The following DNER variants were observed in gnomAD, a reference collection of about 807,000 sequenced individuals.
DNER encodes the protein delta/notch like EGF repeat containing.
A neutral mutation model predicts 78.2 loss-of-function variants in DNER; 33 were observed. The observed-to-expected ratio is 0.42, with a 90% confidence interval of 0.32 to 0.56. DNER has a LOEUF of 0.56. Among genes scored for constraint, DNER ranks in the 20% least tolerant of loss-of-function variants. The pLI, the probability that DNER is intolerant of heterozygous loss-of-function variation, is 0.11. For missense variants in DNER, 918 were observed against 975.3 expected (o/e 0.94, Z 0.78); for synonymous variants, 417 against 384.8 (o/e 1.08, Z -0.98).
chr2:229,363,985 CTTTTTTTT>C (rs10600729), intron 12 of DNER, among the ~76,000 whole-genome samples: 2 of 77,808 alleles, frequency 2.6e-5, no homozygotes, highest in African/African-American at 1.0e-4. Flanking sequence ...CAATTCTCTG[CTTTTTTTT>C]TTTTTTTTTT....
intron 7 of DNER, among the ~76,000 whole-genome samples, chr2:229,475,846 C>G (rs1695024228): frequency 6.6e-6 from 1 of 152,144 alleles, no homozygotes; most frequent in Non-Finnish European, 1.5e-5. Flanking sequence ...CAGGACGACC[C>G]TGCAGGCTGC....
chr2:229,581,032 G>A (rs1470552234), intron 4 of DNER, among the ~76,000 whole-genome samples: 3 of 152,200 alleles, frequency 2.0e-5, no homozygotes, highest in Admixed American at 6.5e-5. Context: ...GTGAGCTGCA[G>A]GGTAGAAGTC....
chr2:229,661,751 G>A (rs1398212043), intron 1 of DNER, among the ~76,000 whole-genome samples: 3 of 152,124 alleles, frequency 2.0e-5, no homozygotes, highest in Non-Finnish European at 4.4e-5. Flanking sequence ...TCGCGGGAGT[G>A]GAAACTTTTT....
chr2:229,389,685 T>TAA (rs1250594830), intron 10 of DNER, among the ~76,000 whole-genome samples: 1 of 152,222 alleles, frequency 6.6e-6, no homozygotes, highest in African/African-American at 2.4e-5. Flanking sequence ...CTTACGTTTA[T>TAA]AAAACCACTT....
At chr2:229,367,710 T>C (rs762520922) in intron 11 of DNER, among the ~76,000 whole-genome samples, 28 of 152,154 alleles carry the variant, frequency 1.8e-4, no homozygotes, top group Non-Finnish European at 4.0e-4. Context: ...TACAAAAAAG[T>C]ACAATTCCTC....
intron 4 of DNER, among the ~76,000 whole-genome samples, chr2:229,570,403 C>T (rs999051049): frequency 2.6e-5 from 4 of 152,140 alleles, no homozygotes; most frequent in African/African-American, 9.7e-5. Context: ...GAGGTCAAGG[C>T]TGGCAAATCA....
At chr2:229,436,163 G>T (rs1301294892) in intron 8 of DNER, among the ~76,000 whole-genome samples, 1 of 152,002 alleles carries the variant, frequency 6.6e-6, no homozygotes, top group Non-Finnish European at 1.5e-5. Flanking sequence ...ATATGTACTC[G>T]AAGTTTAGCT....
intron 5 of DNER, among the ~76,000 whole-genome samples, chr2:229,544,634 G>GC (rs74181352): frequency 2.6e-5 from 4 of 151,900 alleles, no homozygotes; most frequent in Non-Finnish European, 5.9e-5. Flanking sequence ...CTGGATTCAA[G>GC]CATTTCTCCT....
At chr2:229,433,166 C>T (rs909481801) in intron 8 of DNER, among the ~76,000 whole-genome samples, 1 of 152,152 alleles carries the variant, frequency 6.6e-6, no homozygotes, top group Non-Finnish European at 1.5e-5. Flanking sequence ...TCTCGAACTC[C>T]TGACTATGTG....
At chr2:229,430,174 G>T (rs1486896770) in intron 8 of DNER, among the ~76,000 whole-genome samples, 1 of 152,116 alleles carries the variant, frequency 6.6e-6, no homozygotes, top group African/African-American at 2.4e-5. Context: ...ATTGACAATT[G>T]TTTTGTTAAG....
chr2:229,536,067 T>A (rs1490720566), intron 5 of DNER, among the ~76,000 whole-genome samples: 1 of 152,222 alleles, frequency 6.6e-6, no homozygotes, highest in African/African-American at 2.4e-5. Flanking sequence ...TAATTTAAAG[T>A]CATATTTGGA....
intron 1 of DNER, among the ~76,000 whole-genome samples, chr2:229,706,395 A>AT (rs1699826942): frequency 9.1e-6 from 1 of 109,730 alleles, no homozygotes; most frequent in African/African-American, 3.3e-5. Flanking sequence ...TAGTAAAAAT[A>AT]CAAAAAAAAA....
rs564442408 is a variant in DNER, at chr2:229,647,226, G to A, written c.277-55338C>T. Among the ~76,000 whole-genome samples the A allele has an allele frequency of 4.6e-5, 7 of 152,302 alleles. No individual in the cohort carries two copies. The East Asian group carries it at 1.4e-3, about 29-fold the overall frequency. ...GTAAGAAGAGGTCAGAGGGTTCCGG[G>A]ATGGCCTAAGGAGGTGACGTGGGAG... On this transcript the variant is annotated intron_variant, in intron 1 of 12. Coordinates refer to ENST00000341772, the MANE Select transcript of DNER (RefSeq NM_139072.4).
intron 7 of DNER, among the ~76,000 whole-genome samples, chr2:229,465,961 C>T (rs1694796355): frequency 6.6e-6 from 1 of 152,088 alleles, no homozygotes. Flanking sequence ...CCTCTTATAG[C>T]CAAATCTGTC....
chr2:229,435,903 T>C (rs1348057443), intron 8 of DNER, among the ~76,000 whole-genome samples: 1 of 152,222 alleles, frequency 6.6e-6, no homozygotes, highest in Non-Finnish European at 1.5e-5. Flanking sequence ...TATAAACTGT[T>C]TGGTAAAAGA....
At chr2:229,507,597 C>T (rs1450272619) in intron 6 of DNER, among the ~76,000 whole-genome samples, 4 of 152,102 alleles carry the variant, frequency 2.6e-5, no homozygotes, top group Admixed American at 6.5e-5. Flanking sequence ...TTAGTTATTC[C>T]AAATTCTGTC....
intron 5 of DNER, among the ~76,000 whole-genome samples, chr2:229,545,677 A>G (rs898379526): frequency 2.6e-5 from 4 of 152,226 alleles, no homozygotes; most frequent in Non-Finnish European, 5.9e-5. Context: ...GCCTGGAAAC[A>G]GAAAACAGGA....
intron 1 of DNER, among the ~76,000 whole-genome samples, chr2:229,596,858 A>C (rs1361502828): frequency 6.7e-6 from 1 of 149,294 alleles, no homozygotes; most frequent in Non-Finnish European, 1.5e-5. Context: ...TTAAACAGTC[A>C]GTTGCATAAA....
chr2:229,615,629 G>A (rs937925252), intron 1 of DNER, among the ~76,000 whole-genome samples: 1 of 152,078 alleles, frequency 6.6e-6, no homozygotes, highest in Non-Finnish European at 1.5e-5. Context: ...GGAGAATGGT[G>A]TGAACCCAGG....
Sources: gnomAD v4.1 joint callset for allele counts (sites outside exome capture counted in the v4.1 genomes callset) on GRCh38, gnomAD v4.1.1 for gene constraint, MANE v1.5 for transcripts, NCBI Gene and HGNC (gene_info 2026-07-23, HGNC 2026-07-21) for gene names.